PTPN2: variants seen among roughly 807,000 people sequenced by gnomAD.
The protein encoded by PTPN2 is tyrosine-protein phosphatase non-receptor type 2.
PTPN2 carries 19 observed loss-of-function variants against 57.3 expected under a neutral mutation model. The observed-to-expected ratio is 0.33, with a 90% CI of 0.23 to 0.49. The LOEUF (loss-of-function observed/expected upper bound fraction) is 0.49, where lower values mean the gene tolerates loss of function less well. Ranked by LOEUF, PTPN2 falls within the 20% of genes least tolerant of loss-of-function variation. The pLI, the probability that PTPN2 is intolerant of heterozygous loss-of-function variation, is 0.99. For synonymous variants in PTPN2, 153 were observed against 164.9 expected, an observed-to-expected ratio of 0.93 and a Z score of 0.55; for missense variants, 358 against 501.1, an observed-to-expected ratio of 0.71 and a Z score of 2.73.
rs12327383 is a variant in PTPN2, at chr18:12,854,292, G to A, written c.160+4872C>T. On this transcript the variant is annotated intron_variant, in intron 2 of 8. Coordinates refer to ENST00000309660, the MANE Select transcript of PTPN2 (RefSeq NM_002828.4). ...GGAGGATCACCTGAGCCTGGGAGGCGGAGGTTGCAGTGAGCCGAGACGGTG... is the reference window on the plus strand; with the variant it reads ...GGAGGATCACCTGAGCCTGGGAGGCAGAGGTTGCAGTGAGCCGAGACGGTG... Among the ~76,000 whole-genome samples the A allele has an allele frequency of 7.7e-3, 1,149 of 149,398 alleles. 8 individuals are homozygous for A. Among genetic ancestry groups the A allele is most frequent in the African/African-American group, 0.027 (1,088 of 40,718 alleles).
At chr18:12,826,396 C>G (rs147289369) in intron 4 of PTPN2, among the ~76,000 whole-genome samples, 3 of 152,216 alleles carry the variant, frequency 2.0e-5, no homozygotes, top group African/African-American at 7.2e-5. Flanking sequence ...GAGCAAGACT[C>G]CATCTCGGGG....
intron 1 of PTPN2, among the ~76,000 whole-genome samples, chr18:12,865,146 T>C (rs753327350): frequency 6.6e-6 from 1 of 152,222 alleles, no homozygotes; most frequent in Non-Finnish European, 1.5e-5. Context: ...TGTTATAGGA[T>C]GGTCTTGAAA....
intron 2 of PTPN2, 34 bp from the exon 3 acceptor site, chr18:12,836,925 T>A: frequency 7.7e-7 from 1 of 1,300,756 alleles, no homozygotes; most frequent in Non-Finnish European, 1.1e-6. Flanking sequence ...ACAACTGTCA[T>A]TTCAAAATTA....
chr18:12,881,868 T>C (rs564230435), intron 1 of PTPN2, among the ~76,000 whole-genome samples: 2 of 152,358 alleles, frequency 1.3e-5, no homozygotes, highest in Admixed American at 1.3e-4. Flanking sequence ...CAGGGCTGCA[T>C]CCTTAAAAAC....
intron 1 of PTPN2, among the ~76,000 whole-genome samples, chr18:12,878,901 C>T (rs1014953253): frequency 6.6e-6 from 1 of 152,160 alleles, no homozygotes; most frequent in African/African-American, 2.4e-5. Context: ...TCTGAGCCAT[C>T]ACTTCTTAGA....
intron 5 of PTPN2, among the ~76,000 whole-genome samples, chr18:12,825,276 T>C (rs2042409875): frequency 6.6e-6 from 1 of 152,210 alleles, no homozygotes; most frequent in Non-Finnish European, 1.5e-5. Flanking sequence ...CACTTAACAA[T>C]AGCTTTGTAA....
intron 1 of PTPN2, chr18:12,880,427 C>G (rs1206370653): frequency 6.6e-6 from 1 of 152,252 alleles, no homozygotes; most frequent in African/African-American, 2.4e-5. Flanking sequence ...TTAGCTACCT[C>G]TCCCCACTTC....
chr18:12,863,143 C>T (rs669822), intron 1 of PTPN2: 131,885 of 152,138 alleles, frequency 0.87, 58,499 homozygotes, highest in Non-Finnish European at 0.96. Context: ...GAGCTAAAAC[C>T]TTCCCCTTCT....
In PTPN2 at chr18:12,793,979, A is replaced by G. The variant is rs975268265; in HGVS notation, c.*299T>C. ...AAATCCTGTGATAAAGGATATCTCAATGTTGGTCAGGTGAAATACTGTGTT... is the reference window on the plus strand; with the variant it reads ...AAATCCTGTGATAAAGGATATCTCAGTGTTGGTCAGGTGAAATACTGTGTT... On this transcript the variant is annotated 3_prime_UTR_variant, in exon 9 of 9. Coordinates refer to ENST00000309660, the MANE Select transcript of PTPN2 (RefSeq NM_002828.4). 6 of 1,225,162 alleles carry G rather than the reference A, an allele frequency of 4.9e-6. No individual in the cohort carries two copies. The highest frequency in any genetic ancestry group is 4.1e-5 in the East Asian group (1 of 24,552). The allele number at this position is 1,225,162 out of a possible 1,614,324, so 75.9% of individuals were successfully genotyped here. A position where few individuals can be genotyped will look rare whatever the true frequency, so the allele number is the denominator to read the frequency against.
intron 4 of PTPN2, among the ~76,000 whole-genome samples, chr18:12,830,263 C>A (rs962252704): frequency 4.6e-5 from 7 of 152,038 alleles, no homozygotes; most frequent in African/African-American, 1.4e-4. Context: ...GGTTCTCCTG[C>A]CTCAGCCTCC....
At position 12,826,066 on chromosome 18, in the gene PTPN2, A is replaced by T. The variant is rs1480935697; in HGVS notation, c.361-122T>A. The T allele has an allele frequency of 5.4e-6, 4 of 747,388 alleles. No individual in the cohort carries two copies. In the African/African-American group the frequency reaches 7.1e-5, roughly 13 times the overall value. 46.3% of individuals were successfully genotyped at this position (747,388 alleles called of 1,614,324 possible). A position where few individuals can be genotyped will look rare whatever the true frequency, so the allele number is the denominator to read the frequency against. On this transcript the variant is annotated intron_variant, in intron 4 of 8. Transcript: ENST00000309660. The stretch of plus-strand genomic sequence containing the variant: ...ATATTTTTTCAAGTACCCAAAACTA[A>T]GAAGTCACTACTATATTCTACGCTT...
At chr18:12,834,468 A>T (rs1046631094) in intron 3 of PTPN2, among the ~76,000 whole-genome samples, 1 of 152,208 alleles carries the variant, frequency 6.6e-6, no homozygotes, top group Non-Finnish European at 1.5e-5. Flanking sequence ...CCATTACAAA[A>T]TTTTTAACTG....
intron 1 of PTPN2, among the ~76,000 whole-genome samples, chr18:12,870,507 G>GTTTTTT (rs367970136): frequency 3.2e-5 from 2 of 62,594 alleles, no homozygotes; most frequent in African/African-American, 1.9e-4. Flanking sequence ...AGAAAAGCGT[G>GTTTTTT]TTGTTTTTTT....
chr18:12,817,939 G>C (rs1452884929), intron 5 of PTPN2, among the ~76,000 whole-genome samples: 1 of 152,118 alleles, frequency 6.6e-6, no homozygotes, highest in Non-Finnish European at 1.5e-5. Context: ...TCAGGAGTTC[G>C]AGACCAGCCT....
chr18:12,786,336 C>T (rs1206741047), intron 9 of PTPN2: 1 of 152,782 alleles, frequency 6.5e-6, no homozygotes, highest in Non-Finnish European at 1.5e-5. Context: ...ATAAAGTTGG[C>T]CTATATTTTT....
intron 2 of PTPN2, among the ~76,000 whole-genome samples, chr18:12,849,050 T>TA (rs2043304762): frequency 1.3e-5 from 2 of 152,330 alleles, no homozygotes; most frequent in South Asian, 4.1e-4. Context: ...TGAACACACT[T>TA]ACCTTGTTCC....
intron 8 of PTPN2, among the ~76,000 whole-genome samples, chr18:12,800,687 G>A (rs1040625918): frequency 2.6e-5 from 4 of 151,952 alleles, no homozygotes; most frequent in African/African-American, 7.3e-5. Flanking sequence ...GGCAGACTTC[G>A]ACTATTTTCA....
chr18:12,836,961 C>A, intron 2 of PTPN2, 70 bp from the exon 3 acceptor site: 2 of 896,510 alleles, frequency 2.2e-6, no homozygotes, highest in Non-Finnish European at 1.7e-6. Context: ...TATTAATATT[C>A]TAGGTATTTA....
intron 7 of PTPN2, among the ~76,000 whole-genome samples, chr18:12,810,252 T>C (rs2041845470): frequency 6.6e-6 from 1 of 152,004 alleles, no homozygotes. Context: ...TAATCCCAGC[T>C]ACTTGGGAGG....
Sources: gnomAD v4.1 joint callset for allele counts (sites outside exome capture counted in the v4.1 genomes callset) on GRCh38, gnomAD v4.1.1 for gene constraint, MANE v1.5 for transcripts, NCBI Gene and HGNC (gene_info 2026-07-23, HGNC 2026-07-21) for gene names.